The following AHNAK2 variants were observed in gnomAD, a reference collection of about 807,000 sequenced individuals.
The protein encoded by AHNAK2 is protein AHNAK2.
Under a neutral mutation model 30.7 loss-of-function variants are expected in AHNAK2, and 18 were observed. The observed-to-expected ratio is 0.59, with a 90% confidence interval of 0.41 to 0.87. The LOEUF (loss-of-function observed/expected upper bound fraction) is 0.87, where lower values mean the gene tolerates loss of function less well. Ranked by LOEUF, AHNAK2 falls within the 40% of genes least tolerant of loss-of-function variation. AHNAK2 has a pLI of 0.00. For missense variants in AHNAK2, 8,604 were observed against 7,373.0 expected (o/e 1.17, Z -6.11); for synonymous variants, 3,590 against 3,073.8 (o/e 1.17, Z -5.56).
chr14:104,957,516 G>A lies in AHNAK2; in HGVS notation c.115-8C>T. 1.3e-6 allele frequency: 2 copies of A among 1,595,606 alleles called. No individual in the cohort carries two copies. The highest frequency in any genetic ancestry group is 1.7e-6 in the Non-Finnish European group (2 of 1,170,404). On this transcript the variant is annotated splice_region_variant and splice_polypyrimidine_tract_variant and intron_variant, in intron 2 of 6. Coordinates refer to ENST00000333244, the MANE Select transcript of AHNAK2 (RefSeq NM_138420.4). ...CGCAGGCCCTTCAGTCACCTGACGG[G>A]AGAGAATCCAGTTATTTTTGCCACT...
Position 104,971,095 on chromosome 14 carries a change from G to A in AHNAK2, c.55+7088C>T, listed in dbSNP as rs192004934. On this transcript the variant is annotated intron_variant, in intron 1 of 6. Coordinates refer to ENST00000333244, the MANE Select transcript of AHNAK2 (RefSeq NM_138420.4). ...ACACCTCGAAGCACCAGGGTATCTG[G>A]TAAGCAGGGTGCGGTGGGGCTCAGG... 4.3e-3 allele frequency among the ~76,000 whole-genome samples: 655 copies of A among 152,200 alleles called. 2 individuals are homozygous for A. Among genetic ancestry groups the A allele is most frequent in the Non-Finnish European group, 7.3e-3 (496 of 67,990 alleles).
chr14:104,956,496 C>T (rs1046672466), intron 4 of AHNAK2, 92 bp downstream of exon 4: 1 of 1,338,026 alleles, frequency 7.5e-7, no homozygotes, highest in Non-Finnish European at 1.1e-6. Context: ...AGCCTCTTTG[C>T]TCCTCCCCTG....
In AHNAK2 at chr14:104,938,769, G is replaced by A. The variant is rs765771538; in HGVS notation, c.16682C>T (p.Ser5561Phe). The A allele has an allele frequency of 5.6e-6, 9 of 1,613,794 alleles. No homozygotes were observed. The highest frequency in any genetic ancestry group is 1.7e-5 in the Admixed American group (1 of 60,004). The part of the protein sequence containing the change: ...APIQATPGVD[S>F]ISGDLQPDTG... ...GTCAGGCTGGAGATCTCCAGAAATG[G>A]AGTCTACTCCTGGGGTGGCTTGTAT... is the stretch of plus-strand genomic sequence containing the variant. The change falls in exon 7 of 7, where the codon TCC (serine) becomes TTC (phenylalanine). Residue 5561 changes from serine to phenylalanine, a missense_variant. By Grantham distance (155) the Ser-to-Phe change is radical (BLOSUM62 -2). Coordinates refer to ENST00000333244, the MANE Select transcript of AHNAK2 (RefSeq NM_138420.4).
In AHNAK2 at chr14:104,949,669, C is replaced by A. The variant is rs1207752299; in HGVS notation, c.5782G>T (p.Val1928Phe). Residue 1928 changes from valine (V) to phenylalanine (F), a missense_variant, in exon 7 of 7, where the codon GTT (valine) becomes TTT (phenylalanine). Val to Phe is a conservative substitution (Grantham distance 50, BLOSUM62 -1). Coordinates refer to ENST00000333244, the MANE Select transcript of AHNAK2 (RefSeq NM_138420.4). Reference sequence around the variant, plus strand: ...TTCAGGTCCAGCTTGGCGCCCTTAACATCTGTCTGGGGGCCCTTGAGGTCC... The same window carrying A: ...TTCAGGTCCAGCTTGGCGCCCTTAAAATCTGTCTGGGGGCCCTTGAGGTCC... ...KVDLKGPQTDVKGAKLDLKGP... is the reference protein window; with the variant it reads ...KVDLKGPQTDFKGAKLDLKGP... 1 of 1,586,182 alleles carries A rather than the reference C, an allele frequency of 6.3e-7. No individual in the cohort carries two copies. The highest frequency in any genetic ancestry group is 8.6e-7 in the Non-Finnish European group (1 of 1,162,466).
At position 104,938,697 on chromosome 14, in the gene AHNAK2, C is replaced by G; in HGVS notation, c.16754G>C (p.Gly5585Ala). 1 of 1,613,220 alleles carries G rather than the reference C, an allele frequency of 6.2e-7. No individual in the cohort carries two copies. Among genetic ancestry groups the G allele is most frequent in the East Asian group, 2.2e-5 (1 of 44,876 alleles). Residue 5585 changes from glycine (G) to alanine (A), a missense_variant, in exon 7 of 7, where the codon GGA (glycine) becomes GCA (alanine). Transcript: ENST00000333244. ...AACTTCAAATGTGAGTGTTTGCTGT[C>G]CCAGTACATTGACGCTGGAAGAGAT... Reference protein sequence around the residue: ...EMISSSVNVLGQQTLTFEVPS... With the variant: ...EMISSSVNVLAQQTLTFEVPS...
rs748901759 is a variant in AHNAK2 at position 104,943,461 on chromosome 14, T to A, written c.11990A>T (p.Lys3997Met). 2.5e-6 allele frequency: 4 copies of A among 1,613,018 alleles called. No individual in the cohort carries two copies. The highest frequency in any genetic ancestry group is 3.4e-6 in the Non-Finnish European group (4 of 1,179,604). Residue 3997 changes from lysine (K) to methionine (M), a missense_variant, in exon 7 of 7, where the codon AAG becomes ATG. By Grantham distance (95) the Lys-to-Met change is moderately conservative (BLOSUM62 -1). Coordinates refer to ENST00000333244, the MANE Select transcript of AHNAK2 (RefSeq NM_138420.4). ...MEASVDVTAP[K>M]VEADVSLPSM... ...AGGGAGGCTCACGTCGGCCTCCACC[T>A]TTGGCGCGGTCACATCCACTGATGC...
Position 104,949,456 on chromosome 14 carries a change from C to G in AHNAK2, c.5995G>C (p.Gly1999Arg). 1 of 1,588,106 alleles carries G rather than the reference C, an allele frequency of 6.3e-7. No individual in the cohort carries two copies. Among genetic ancestry groups the G allele is most frequent in the Non-Finnish European group, 8.6e-7 (1 of 1,162,762 alleles). ...KMPKFKMPSF[G>R]VSAPGRSIEA... Reference sequence around the variant, plus strand: ...ATGGACCTCCCTGGGGCCGATACCCCGAACGACGGCATCTTGAATTTGGGC... The same window carrying G: ...ATGGACCTCCCTGGGGCCGATACCCGGAACGACGGCATCTTGAATTTGGGC... Residue 1999 changes from glycine to arginine, a missense_variant, in exon 7 of 7, where the codon GGG becomes CGG. Gly to Arg is a moderately radical substitution (Grantham distance 125, BLOSUM62 -2). Transcript: ENST00000333244.
chr14:104,970,206 G>A (rs577281552), intron 1 of AHNAK2, among the ~76,000 whole-genome samples: 36 of 152,226 alleles, frequency 2.4e-4, no homozygotes, highest in Admixed American at 2.1e-3. Context: ...GGGCTCCGCC[G>A]GCACCCCAGG....
chr14:104,938,112 T>C lies in AHNAK2; in HGVS notation c.17339A>G (p.Lys5780Arg), dbSNP rs769608665. 4.7e-5 allele frequency: 76 copies of C among 1,613,874 alleles called. No individual in the cohort carries two copies. The highest frequency in any genetic ancestry group is 6.2e-5 in the Non-Finnish European group (73 of 1,179,894). The change falls in exon 7 of 7, where the codon AAA becomes AGA. Residue 5780 changes from lysine to arginine, a missense_variant. By Grantham distance (26) the Lys-to-Arg change is conservative (BLOSUM62 2). Coordinates refer to ENST00000333244, the MANE Select transcript of AHNAK2 (RefSeq NM_138420.4). ...TELILPEQDR[K>R]ADDESKGSGL... is the part of the protein sequence containing the mutation. ...TGACCCTTTGCTTTCATCGTCAGCT[T>C]TTCTGTCCTGCTCGGGCAGGATTAA...
chr14:104,969,774 A>G (rs917402908), intron 1 of AHNAK2, among the ~76,000 whole-genome samples: 2 of 152,120 alleles, frequency 1.3e-5, no homozygotes, highest in African/African-American at 4.8e-5. Context: ...TTGGCAGCCA[A>G]AAGGAACAGC....
chr14:104,942,323 G>A lies in AHNAK2; in HGVS notation c.13128C>T (p.Gly4376=). ...GCAGCTTCGGCAGGTGCCCTTTGAGGCCGGCTCCCTCATGCACAGGGCCCT... is the reference window on the plus strand; with the variant it reads ...GCAGCTTCGGCAGGTGCCCTTTGAGACCGGCTCCCTCATGCACAGGGCCCT... ...LPEGPVHEGA[G]LKGHLPKLQM... Residue 4376 remains glycine, a synonymous_variant, in exon 7 of 7, where the codon GGC becomes GGT. Coordinates refer to ENST00000333244, the MANE Select transcript of AHNAK2 (RefSeq NM_138420.4). 2 of 1,613,348 alleles carry A rather than the reference G, an allele frequency of 1.2e-6. No individual in the cohort carries two copies. Among genetic ancestry groups the A allele is most frequent in the South Asian group, 1.1e-5 (1 of 91,074 alleles).
Position 104,937,905 on chromosome 14 carries a change from TG to T in AHNAK2, c.*157del. On this transcript the variant is annotated 3_prime_UTR_variant, in exon 7 of 7. Transcript: ENST00000333244. ...GTTCCATTTTAGGAGGGCTGTGTGATGGTGACAAAGGTGTTCTGGTCATTTC... is the reference window on the plus strand; with the variant it reads ...GTTCCATTTTAGGAGGGCTGTGTGATGTGACAAAGGTGTTCTGGTCATTTC... 1 of 739,436 alleles carries T rather than the reference TG, an allele frequency of 1.4e-6. No individual in the cohort carries two copies. Among genetic ancestry groups the T allele is most frequent in the Non-Finnish European group, 2.0e-6 (1 of 488,418 alleles). The allele number at this position is 739,436 out of a possible 1,614,324, so 45.8% of individuals were successfully genotyped here. A position where few individuals can be genotyped will look rare whatever the true frequency, so the allele number is the denominator to read the frequency against.
chr14:104,954,371 C>T lies in AHNAK2; in HGVS notation c.1080G>A (p.Gly360=), dbSNP rs1898903773. ...TCTCCTCGAGGCTATCACCCCAGGG[C>T]CCCAACTCTTCCAGGACCCCAGCAC... ...VGRAGVLEEL[G]PWGDSLEETG... Residue 360 remains glycine, a synonymous_variant, in exon 7 of 7, where the codon GGG becomes GGA. Transcript: ENST00000333244. This position sits in a 1 kb window ranked among gnomAD's most constrained non-coding sequence, Gnocchi z 4.3. 1.2e-6 allele frequency: 2 copies of T among 1,613,364 alleles called. No homozygotes were observed. The highest frequency in any genetic ancestry group is 4.5e-5 in the East Asian group (2 of 44,890).
intron 3 of AHNAK2, 85 bp downstream of exon 3, chr14:104,957,325 G>A: frequency 7.7e-7 from 1 of 1,304,862 alleles, no homozygotes; most frequent in Non-Finnish European, 1.0e-6. Context: ...GGGCAGCAAG[G>A]TTGAACAGAC....
At position 104,946,067 on chromosome 14, in the gene AHNAK2, G is replaced by T. The variant is rs772058901; in HGVS notation, c.9384C>A (p.Asp3128Glu). 2 of 1,608,534 alleles carry T rather than the reference G, an allele frequency of 1.2e-6. No homozygotes were observed. Among genetic ancestry groups the T allele is most frequent in the Admixed American group, 3.4e-5 (2 of 59,376 alleles). Residue 3128 changes from aspartate (D) to glutamate (E), a missense_variant, in exon 7 of 7, where the codon GAC becomes GAA. Physicochemically the swap from Asp to Glu is conservative, Grantham distance 45 (BLOSUM62 2). Transcript: ENST00000333244. Reference sequence around the variant, plus strand: ...TCACATCCTTGTCGGCCAGGGACAGGTCCCCCTCCAGCCGTGCACCATCCA... The same window carrying T: ...TCACATCCTTGTCGGCCAGGGACAGTTCCCCCTCCAGCCGTGCACCATCCA... ...AKLDGARLEG[D>E]LSLADKDVTA...
Position 104,938,006 on chromosome 14 carries a change from G to T in AHNAK2, c.*57C>A. On this transcript the variant is annotated 3_prime_UTR_variant, in exon 7 of 7. Coordinates refer to ENST00000333244, the MANE Select transcript of AHNAK2 (RefSeq NM_138420.4). ...ATGGGGTGCTCCATATGTGTGTGTA[G>T]CCTTTACTTTCCAACTTAGTTTTTT... 1 of 1,555,336 alleles carries T rather than the reference G, an allele frequency of 6.4e-7. No individual in the cohort carries two copies. Among genetic ancestry groups the T allele is most frequent in the Non-Finnish European group, 8.7e-7 (1 of 1,145,704 alleles).
rs763706634 is a variant in AHNAK2 at position 104,947,153 on chromosome 14, T to G, written c.8298A>C (p.Glu2766Asp). The G allele has an allele frequency of 1.2e-6, 2 of 1,610,308 alleles. No homozygotes were observed. Among genetic ancestry groups the G allele is most frequent in the Non-Finnish European group, 1.7e-6 (2 of 1,178,986 alleles). Residue 2766 changes from glutamate to aspartate, a missense_variant, in exon 7 of 7, where the codon GAA becomes GAC. Physicochemically the swap from Glu to Asp is conservative, Grantham distance 45 (BLOSUM62 2). Coordinates refer to ENST00000333244, the MANE Select transcript of AHNAK2 (RefSeq NM_138420.4). ...PNVDLKGPKA[E>D]VTAPDVKMSL... is the part of the protein sequence containing the mutation. ...ACATCTTCACATCGGGGGCTGTCAC[T>G]TCCGCCTTGGGGCCTTTCAGGTCCA...
At position 104,945,477 on chromosome 14, in the gene AHNAK2, T is replaced by A. The variant is rs3000769; in HGVS notation, c.9974A>T (p.Lys3325Met). ...CACATCCACCGAGGCCTGGATGGAC[T>A]TGCCTGGGGCAGACGCCCTGTACGA... is the stretch of plus-strand genomic sequence containing the variant. ...MPSYRASAPG[K>M]SIQASVDVSA... Residue 3325 changes from lysine (K) to methionine (M), a missense_variant, in exon 7 of 7, where the codon AAG becomes ATG. Coordinates refer to ENST00000333244, the MANE Select transcript of AHNAK2 (RefSeq NM_138420.4). The A allele has an allele frequency of 1.2e-6, 2 of 1,611,894 alleles. No individual in the cohort carries two copies. The highest frequency in any genetic ancestry group is 2.2e-5 in the South Asian group (2 of 91,016).
In AHNAK2 at chr14:104,943,285, T is replaced by A. The variant is rs1418051786; in HGVS notation, c.12166A>T (p.Met4056Leu). ...ACTTTGGGCATCTTGAAACTGGGCATCTGCACCTTGGGCAGGTGCCCTTTG... is the reference window on the plus strand; with the variant it reads ...ACTTTGGGCATCTTGAAACTGGGCAACTGCACCTTGGGCAGGTGCCCTTTG... ...SLKGHLPKVQ[M>L]PSFKMPKVDL... is the part of the protein sequence containing the mutation. Residue 4056 changes from methionine (M) to leucine (L), a missense_variant, in exon 7 of 7, where the codon ATG becomes TTG. Coordinates refer to ENST00000333244, the MANE Select transcript of AHNAK2 (RefSeq NM_138420.4). 3 of 1,612,950 alleles carry A rather than the reference T, an allele frequency of 1.9e-6. No individual in the cohort carries two copies. Among genetic ancestry groups the A allele is most frequent in the Non-Finnish European group, 2.5e-6 (3 of 1,179,556 alleles).
Sources: gnomAD v4.1 joint callset for allele counts (sites outside exome capture counted in the v4.1 genomes callset) on GRCh38, gnomAD v4.1.1 for gene constraint, Gnocchi (gnomAD v3.1) non-coding constraint, MANE v1.5 for transcripts, NCBI Gene and HGNC (gene_info 2026-07-23, HGNC 2026-07-21) for gene names.